Variants in PRR16 observed in about 807,000 individuals in gnomAD.
PRR16 encodes the protein proline rich 16.
Under a neutral mutation model 18.2 loss-of-function variants are expected in PRR16, and 6 were observed. The ratio of observed to expected loss-of-function variants is 0.33; its 90% CI spans 0.18 to 0.65. PRR16 has a LOEUF of 0.65. PRR16 is among the 30% of genes least tolerant of loss of function. The pLI, the probability that PRR16 is intolerant of heterozygous loss-of-function variation, is 0.74. For missense variants in PRR16, 412 were observed against 376.6 expected (o/e 1.09, Z -0.78); for synonymous variants, 151 against 147.8 (o/e 1.02, Z -0.16).
intron 1 of PRR16, among the ~76,000 whole-genome samples, chr5:120,502,199 A>G (rs1750483629): frequency 6.6e-6 from 1 of 151,072 alleles, no homozygotes; most frequent in African/African-American, 2.4e-5. Context: ...AAAATTTTAA[A>G]TAAAAGAGTA....
At chr5:120,733,612 C>T in the PRR16 span, among the ~76,000 whole-genome samples, 9 of 152,080 alleles carry the variant, frequency 5.9e-5, no homozygotes, top group Non-Finnish European at 7.3e-5. Flanking sequence ...TAATCATGAA[C>T]GGCATTAAAC....
At chr5:120,622,807 C>G (rs1315879074) in intron 1 of PRR16, among the ~76,000 whole-genome samples, 2 of 152,102 alleles carry the variant, frequency 1.3e-5, no homozygotes, top group African/African-American at 4.8e-5. Context: ...TTAGCTACTT[C>G]TTGCACTCTT....
intron 1 of PRR16, among the ~76,000 whole-genome samples, chr5:120,674,363 C>T (rs1756723479): frequency 6.6e-6 from 1 of 152,126 alleles, no homozygotes; most frequent in South Asian, 2.1e-4. Flanking sequence ...CGTTAATTAA[C>T]TTTTAAAGAA....
chr5:120,568,519 G>A (rs1359936276), intron 1 of PRR16, among the ~76,000 whole-genome samples: 3 of 152,080 alleles, frequency 2.0e-5, no homozygotes, highest in Non-Finnish European at 4.4e-5. Flanking sequence ...AAAAATAAAA[G>A]CCCATCTCCT....
In PRR16 at chr5:120,489,095, G is replaced by A. The variant is rs187118417; in HGVS notation, c.159+24450G>A. On this transcript the variant is annotated intron_variant, in intron 1 of 1. Transcript: ENST00000407149. ...AAGTATGTGGTCAATTTTGGAATAC[G>A]TGTGGTGTGGTGCTGAAAAGAATGT... is the stretch of plus-strand genomic sequence containing the variant. Among the ~76,000 whole-genome samples, 10 of 152,308 alleles carry A rather than the reference G, an allele frequency of 6.6e-5. No individual in the cohort carries two copies. In the South Asian group the frequency reaches 8.3e-4, roughly 13 times the overall value.
the PRR16 span, among the ~76,000 whole-genome samples, chr5:120,773,185 G>C: frequency 5.3e-5 from 8 of 151,978 alleles, no homozygotes; most frequent in Admixed American, 2.6e-4. Context: ...ATTTTTATTA[G>C]TATCAGTTAA....
chr5:120,630,720 T>C, intron 1 of PRR16, among the ~76,000 whole-genome samples: 1 of 152,180 alleles, frequency 6.6e-6, no homozygotes, highest in East Asian at 1.9e-4. Context: ...CTCTACTTCC[T>C]CATTATCCGT....
At chr5:120,566,298 G>A (rs1301237473) in intron 1 of PRR16, among the ~76,000 whole-genome samples, 1 of 152,146 alleles carries the variant, frequency 6.6e-6, no homozygotes, top group African/African-American at 2.4e-5. Flanking sequence ...AGAACTGTGA[G>A]CCAAATACAT....
intron 1 of PRR16, among the ~76,000 whole-genome samples, chr5:120,513,989 A>G (rs1750910187): frequency 1.3e-5 from 2 of 151,488 alleles, no homozygotes; most frequent in Non-Finnish European, 1.5e-5. Flanking sequence ...CGAACTCCTG[A>G]CCTCGTGATC....
At chr5:120,479,650 A>G (rs1749547862) in intron 1 of PRR16, among the ~76,000 whole-genome samples, 1 of 152,164 alleles carries the variant, frequency 6.6e-6, no homozygotes, top group Non-Finnish European at 1.5e-5. Context: ...TTAATATAGA[A>G]TATTAATAGT....
chr5:120,724,702 C>G, the PRR16 span, among the ~76,000 whole-genome samples: 1 of 151,984 alleles, frequency 6.6e-6, no homozygotes, highest in Non-Finnish European at 1.5e-5. Flanking sequence ...TCAGATATCT[C>G]CCCTACCTGC....
chr5:120,598,695 G>A (rs1448409846), intron 1 of PRR16, among the ~76,000 whole-genome samples: 4 of 151,750 alleles, frequency 2.6e-5, no homozygotes, highest in South Asian at 4.1e-4. Context: ...TTGGTTTTCC[G>A]TTTGTGTTAG....
At position 120,503,519 on chromosome 5, in the gene PRR16, A is replaced by G. The variant is rs1196596309; in HGVS notation, c.159+38874A>G. On this transcript the variant is annotated intron_variant, in intron 1 of 1. Transcript: ENST00000407149. ...TTCTGACCTATTGTGTGGTAAGATA[A>G]AAGAGAGAGCAATGAGATTCAGAAA... 3.3e-5 allele frequency among the ~76,000 whole-genome samples: 5 copies of G among 152,104 alleles called. No individual in the cohort carries two copies. In the East Asian group the frequency reaches 9.6e-4, roughly 29 times the overall value.
rs80178582 is a variant in PRR16 at position 120,559,518 on chromosome 5, C to T, written c.159+94873C>T. ...CTATTCTGTTTCTTTGCTATATGTG[C>T]CTGTTTTTATGTTAGTACCATACTG... On this transcript the variant is annotated intron_variant, in intron 1 of 1. Coordinates refer to ENST00000407149, the MANE Select transcript of PRR16 (RefSeq NM_001300783.2). Among the ~76,000 whole-genome samples, 557 of 151,704 alleles carry T rather than the reference C, an allele frequency of 3.7e-3. 3 individuals carry two copies. The highest frequency in any genetic ancestry group is 0.013 in the African/African-American group (520 of 41,442).
intron 1 of PRR16, among the ~76,000 whole-genome samples, chr5:120,540,660 A>C (rs1443988846): frequency 6.6e-6 from 1 of 152,138 alleles, no homozygotes; most frequent in Non-Finnish European, 1.5e-5. Flanking sequence ...ATTTATGCCT[A>C]GTGTTCCATT....
At chr5:120,604,918 A>G (rs1000316511) in intron 1 of PRR16, among the ~76,000 whole-genome samples, 4 of 152,124 alleles carry the variant, frequency 2.6e-5, no homozygotes, top group African/African-American at 7.2e-5. Flanking sequence ...GACTGCTGAC[A>G]TTACCTTTGT....
the PRR16 span, among the ~76,000 whole-genome samples, chr5:120,730,938 A>G: frequency 0.2 from 30,868 of 152,132 alleles, 3,842 homozygotes; most frequent in Non-Finnish European, 0.27. Flanking sequence ...TACTTAGTCT[A>G]AAAACTGTTC....
At chr5:120,652,181 G>A (rs1036203095) in intron 1 of PRR16, among the ~76,000 whole-genome samples, 1 of 152,006 alleles carries the variant, frequency 6.6e-6, no homozygotes, top group Non-Finnish European at 1.5e-5. Context: ...CAACTGTTTT[G>A]ATCATCGATT....
chr5:120,702,474 A>G, the PRR16 span, among the ~76,000 whole-genome samples: 1 of 151,734 alleles, frequency 6.6e-6, no homozygotes, highest in Non-Finnish European at 1.5e-5. Flanking sequence ...CAAGGAGAGA[A>G]GGGGTTGGGG....
Sources: gnomAD v4.1 joint callset for allele counts (sites outside exome capture counted in the v4.1 genomes callset) on GRCh38, gnomAD v4.1.1 for gene constraint, MANE v1.5 for transcripts, NCBI Gene and HGNC (gene_info 2026-07-23, HGNC 2026-07-21) for gene names.